The following ZXDC variants were observed in gnomAD, a reference collection of about 807,000 sequenced individuals.
The protein encoded by ZXDC is ZXD family zinc finger C.
In ZXDC, 58 loss-of-function variants were observed where a neutral mutation model predicts 63.6. That is an observed-to-expected ratio of 0.91 (90% CI 0.74 to 1.13). The LOEUF (loss-of-function observed/expected upper bound fraction) is 1.13. Ranked by LOEUF, ZXDC falls within the 50% of genes most tolerant of loss-of-function variation. The pLI, the probability that ZXDC is intolerant of heterozygous loss-of-function variation, is 0.00. For synonymous variants in ZXDC, 561 were observed against 496.1 expected, an observed-to-expected ratio of 1.13 and a Z score of -1.74; for missense variants, 1,133 against 1,148.9, an observed-to-expected ratio of 0.99 and a Z score of 0.20.
At chr3:126,448,222 A>C (rs1447636056) in intron 7 of ZXDC, among the ~76,000 whole-genome samples, 1 of 152,196 alleles carries the variant, frequency 6.6e-6, no homozygotes, top group East Asian at 1.9e-4. Flanking sequence ...TTTATACATT[A>C]AATTATTAGC....
intron 1 of ZXDC, 131 bp from the exon 2 acceptor site, chr3:126,472,436 C>T: frequency 8.7e-7 from 1 of 1,153,626 alleles, no homozygotes; most frequent in South Asian, 1.8e-5. Flanking sequence ...GAAGCACTCT[C>T]TAAAAAGGGA....
intron 7 of ZXDC, among the ~76,000 whole-genome samples, chr3:126,443,858 A>T (rs1933774741): frequency 6.6e-6 from 1 of 152,248 alleles, no homozygotes; most frequent in Non-Finnish European, 1.5e-5. Context: ...AACAAAATAT[A>T]TCAGAAACTT....
At chr3:126,440,596 C>T in intron 8 of ZXDC, 1 of 986,154 alleles carries the variant, frequency 1.0e-6, no homozygotes, top group Non-Finnish European at 1.2e-6. Flanking sequence ...CTCTGCCCTG[C>T]CAGCTGAGGC....
intron 1 of ZXDC, among the ~76,000 whole-genome samples, 191 bp from the exon 2 acceptor site, chr3:126,472,496 C>A (rs1455745399): frequency 3.3e-5 from 5 of 152,198 alleles, no homozygotes; most frequent in Non-Finnish European, 5.9e-5. Flanking sequence ...CAGCTAATGG[C>A]AGCCAATAGG....
intron 8 of ZXDC, chr3:126,441,120 C>G (rs929838369): frequency 1.0e-6 from 1 of 985,586 alleles, no homozygotes; most frequent in African/African-American, 1.7e-5. Flanking sequence ...GCCCCTCAAA[C>G]TGAGACTGAA....
chr3:126,472,152 C>T lies in ZXDC; in HGVS notation c.1060+1G>A. On this transcript the variant is annotated splice_donor_variant, in intron 2 of 9. Transcript: ENST00000389709. LOFTEE classifies it high-confidence loss of function. ...ATGCTGTGCGTTCCCTAGCTCATTACCTGTATGGCTCCGCAGGTGAATTTT... is the reference window on the plus strand; with the variant it reads ...ATGCTGTGCGTTCCCTAGCTCATTATCTGTATGGCTCCGCAGGTGAATTTT... The T allele has an allele frequency of 6.2e-7, 1 of 1,609,980 alleles. No individual in the cohort carries two copies. The highest frequency in any genetic ancestry group is 8.5e-7 in the Non-Finnish European group (1 of 1,176,432).
intron 7 of ZXDC, among the ~76,000 whole-genome samples, chr3:126,456,726 C>T (rs1934320330): frequency 6.6e-6 from 1 of 152,140 alleles, no homozygotes; most frequent in Non-Finnish European, 1.5e-5. Context: ...TTGAGGACCC[C>T]CAAGCTTGCA....
intron 5 of ZXDC, among the ~76,000 whole-genome samples, chr3:126,463,615 A>AT (rs2107650408): frequency 6.6e-6 from 1 of 152,350 alleles, no homozygotes; most frequent in Admixed American, 6.5e-5. Context: ...TGGGAGCATA[A>AT]TTAATTTGGG....
chr3:126,473,755 T>C (rs1418855118), intron 1 of ZXDC, among the ~76,000 whole-genome samples: 1 of 152,208 alleles, frequency 6.6e-6, no homozygotes, highest in Non-Finnish European at 1.5e-5. Flanking sequence ...TTTAAGGACA[T>C]TATAAGGAGA....
At chr3:126,440,455 G>A (rs1933633582) in intron 8 of ZXDC, 19 of 985,482 alleles carry the variant, frequency 1.9e-5, no homozygotes, top group Non-Finnish European at 2.3e-5. Flanking sequence ...GTAAGGGACA[G>A]AAAAAGAACT....
In ZXDC at chr3:126,440,935, C is replaced by T. The variant is rs917001647; in HGVS notation, c.2394+830G>A. 1.6e-4 allele frequency: 158 copies of T among 985,730 alleles called. No homozygotes were observed. In the African/African-American group the frequency reaches 2.7e-3, roughly 17 times the overall value. The allele number at this position is 985,730 out of a possible 1,614,324, so 61.1% of individuals were successfully genotyped here. ...TGCCTGTTTCCCAACTCAGAGCCAG[C>T]GTCACCTCCACCCTCCGCACTTCCG... On this transcript the variant is annotated intron_variant, in intron 8 of 9. Coordinates refer to ENST00000389709, the MANE Select transcript of ZXDC (RefSeq NM_025112.5).
chr3:126,455,049 G>A (rs1324328501), intron 7 of ZXDC: 28 of 985,256 alleles, frequency 2.8e-5, no homozygotes, highest in East Asian at 1.1e-4. Context: ...TAAATGACCC[G>A]ATTCCATTAA....
At position 126,442,200 on chromosome 3, in the gene ZXDC, C is replaced by G. The variant is rs143215759; in HGVS notation, c.2213-254G>C. The G allele has an allele frequency of 8.1e-4, 247 of 304,248 alleles. 1 individual carries two copies. Among genetic ancestry groups the G allele is most frequent in the African/African-American group, 3.2e-3 (150 of 46,244 alleles). The allele number at this position is 304,248 out of a possible 1,614,324, so 18.8% of individuals were successfully genotyped here. On this transcript the variant is annotated intron_variant, in intron 7 of 9. Transcript: ENST00000389709. ...ATACGTATTTTTTTGCCAGACGGTA[C>G]GGTAATCAGACACAAGCTGCAAATT...
rs749169378 is a variant in ZXDC at position 126,475,702 on chromosome 3, G to A, written c.164C>T (p.Pro55Leu). Residue 55 changes from proline (P) to leucine (L), a missense_variant, in exon 1 of 10, where the codon CCC becomes CTC. Pro to Leu is a moderately conservative substitution (Grantham distance 98). Coordinates refer to ENST00000389709, the MANE Select transcript of ZXDC (RefSeq NM_025112.5). ...CGGGCTTGGCCCGGAGGCCTCCCCGGGCCGCGCCCCGGGCCCGCCATCTTC... is the reference window on the plus strand; with the variant it reads ...CGGGCTTGGCCCGGAGGCCTCCCCGAGCCGCGCCCCGGGCCCGCCATCTTC... ...GPEDGGPGAR[P>L]GEASGPSPPP... 1.4e-5 allele frequency: 18 copies of A among 1,294,644 alleles called. No homozygotes were observed. The highest frequency in any genetic ancestry group is 1.8e-5 in the Non-Finnish European group (18 of 1,023,128). 80.2% of individuals were successfully genotyped at this position (1,294,644 alleles called of 1,614,324 possible). A position where few individuals can be genotyped will look rare whatever the true frequency, so the allele number is the denominator to read the frequency against.
At chr3:126,462,772 G>T (rs909268904) in intron 5 of ZXDC, among the ~76,000 whole-genome samples, 14 of 152,152 alleles carry the variant, frequency 9.2e-5, no homozygotes, top group African/African-American at 3.4e-4. Context: ...CCCCAAAACC[G>T]ACTGGAGCCA....
chr3:126,455,021 C>A, intron 7 of ZXDC: 1 of 985,430 alleles, frequency 1.0e-6, no homozygotes, highest in Non-Finnish European at 1.2e-6. Context: ...TGCACAACAG[C>A]GAAGTCTTGA....
chr3:126,447,663 C>T (rs1410848300), intron 7 of ZXDC, among the ~76,000 whole-genome samples: 5 of 152,182 alleles, frequency 3.3e-5, no homozygotes, highest in Non-Finnish European at 5.9e-5. Context: ...GCTGGCTGCT[C>T]TCTAGTATTA....
chr3:126,450,903 C>T (rs1018045714), intron 7 of ZXDC, among the ~76,000 whole-genome samples: 13 of 152,210 alleles, frequency 8.5e-5, no homozygotes, highest in African/African-American at 3.1e-4. Flanking sequence ...CTGGGACCAG[C>T]AAGCCAGGGC....
At chr3:126,467,214 G>A (rs570727853) in intron 4 of ZXDC, among the ~76,000 whole-genome samples, 36 of 152,266 alleles carry the variant, frequency 2.4e-4, no homozygotes, top group African/African-American at 7.7e-4. Context: ...TGGTGCTCCT[G>A]CCGCAGGAGC....
Sources: allele counts gnomAD v4.1 joint callset (sites outside exome capture counted in the v4.1 genomes callset), GRCh38; gene constraint gnomAD v4.1.1; transcripts MANE v1.5; gene names NCBI Gene and HGNC (gene_info 2026-07-23, HGNC 2026-07-21).